BLVRA: variants seen among roughly 807,000 people sequenced by gnomAD.
The protein encoded by BLVRA is biliverdin reductase A.
A neutral mutation model predicts 32.8 loss-of-function variants in BLVRA; 22 were observed. The observed-to-expected ratio is 0.67, with a 90% CI of 0.48 to 0.96. The LOEUF (loss-of-function observed/expected upper bound fraction) is 0.96, where lower values mean the gene tolerates loss of function less well. BLVRA is among the 40% of genes least tolerant of loss of function. BLVRA has a pLI of 0.00. For synonymous variants in BLVRA, 119 were observed against 141.3 expected (o/e 0.84, Z 1.12); for missense variants, 323 against 358.1 (o/e 0.90, Z 0.79).
chr7:43,770,160 C>T (rs1311430264), intron 1 of BLVRA, among the ~76,000 whole-genome samples: 1 of 152,124 alleles, frequency 6.6e-6, no homozygotes, highest in African/African-American at 2.4e-5. Flanking sequence ...TAGGAGTGGT[C>T]ATCGTCATCG....
intron 1 of BLVRA, among the ~76,000 whole-genome samples, chr7:43,767,938 G>C (rs1054204323): frequency 1.3e-5 from 2 of 152,154 alleles, no homozygotes; most frequent in Non-Finnish European, 2.9e-5. Context: ...TTGGGGGCTG[G>C]AGAAAGAAAT....
intron 2 of BLVRA, among the ~76,000 whole-genome samples, chr7:43,775,794 A>G (rs1291660816): frequency 6.6e-6 from 1 of 152,136 alleles, no homozygotes; most frequent in African/African-American, 2.4e-5. Flanking sequence ...TTGATAAGCT[A>G]TTGATTATTG....
chr7:43,776,966 C>T (rs1321636222), intron 2 of BLVRA, among the ~76,000 whole-genome samples: 1 of 152,094 alleles, frequency 6.6e-6, no homozygotes, highest in African/African-American at 2.4e-5. Flanking sequence ...GATTGCAACC[C>T]CTACCATTTT....
At chr7:43,783,954 T>C (rs1294859099) in intron 2 of BLVRA, among the ~76,000 whole-genome samples, 1 of 152,124 alleles carries the variant, frequency 6.6e-6, no homozygotes, top group Admixed American at 6.6e-5. Flanking sequence ...ACCCTCTTTA[T>C]CTCAAAAAAA....
intron 2 of BLVRA, among the ~76,000 whole-genome samples, chr7:43,778,654 G>A (rs1220799503): frequency 1.1e-4 from 16 of 152,342 alleles, no homozygotes; most frequent in South Asian, 4.1e-4. Flanking sequence ...CTCCAGCTGC[G>A]TGCTGGGAGA....
At chr7:43,798,547 A>G (rs1235888984) in intron 5 of BLVRA, among the ~76,000 whole-genome samples, 1 of 152,114 alleles carries the variant, frequency 6.6e-6, no homozygotes, top group Non-Finnish European at 1.5e-5. Flanking sequence ...AAATTTGCTC[A>G]GTGGGGAACC....
Position 43,800,471 on chromosome 7 carries a change from T to C in BLVRA, c.359T>C (p.Val120Ala), listed in dbSNP as rs1332501031. ...LWELAEQKGK[V>A]LHEEHVELLM... The stretch of plus-strand genomic sequence containing the variant: ...TCCATTTTTGTCGTTACAGGAAAAG[T>C]CTTGCACGAGGAGCATGTTGAACTC... The change falls in exon 6 of 8, where the codon GTC (valine) becomes GCC (alanine). Residue 120 changes from valine to alanine, a missense_variant. Coordinates refer to ENST00000265523, the MANE Select transcript of BLVRA (RefSeq NM_000712.4). 1 of 1,614,048 alleles carries C rather than the reference T, an allele frequency of 6.2e-7. No homozygotes were observed. The highest frequency in any genetic ancestry group is 1.3e-5 in the African/African-American group (1 of 75,050).
At chr7:43,800,344 T>G (rs1413124602) in intron 5 of BLVRA, 121 bp from the exon 6 acceptor site, 6 of 922,732 alleles carry the variant, frequency 6.5e-6, no homozygotes, top group Non-Finnish European at 1.1e-5. Context: ...ATCCTGGCCA[T>G]GTGCCCAGGG....
intron 6 of BLVRA, among the ~76,000 whole-genome samples, chr7:43,801,382 T>C (rs1268242781): frequency 6.6e-6 from 1 of 152,198 alleles, no homozygotes; most frequent in Admixed American, 6.5e-5. Context: ...GAAATGGGCA[T>C]GCAGGAAGCT....
In BLVRA at chr7:43,806,901, G is replaced by C. The variant is rs376557293; in HGVS notation, c.633-76G>C. ...GCCTGACAAGGACATGTTACCAGGC[G>C]GTCTGGTGCCAGCAAGCACCCACTT... On this transcript the variant is annotated intron_variant, in intron 7 of 7. Transcript: ENST00000265523. 3.9e-6 allele frequency: 6 copies of C among 1,548,388 alleles called. No individual in the cohort carries two copies. In the African/African-American group the frequency reaches 5.4e-5, roughly 14 times the overall value.
intron 2 of BLVRA, among the ~76,000 whole-genome samples, chr7:43,776,928 G>T (rs1261184183): frequency 6.6e-6 from 1 of 152,098 alleles, no homozygotes; most frequent in African/African-American, 2.4e-5. Context: ...ATCTTTGTTG[G>T]TTTAAATTCT....
intron 2 of BLVRA, among the ~76,000 whole-genome samples, chr7:43,774,356 T>C (rs1195685552): frequency 6.6e-6 from 1 of 152,218 alleles, no homozygotes; most frequent in African/African-American, 2.4e-5. Context: ...TTTCTACATA[T>C]GGCTAGCCAG....
chr7:43,766,679 A>ACGGTG (rs557448824), intron 1 of BLVRA, among the ~76,000 whole-genome samples: 1 of 152,178 alleles, frequency 6.6e-6, no homozygotes, highest in Non-Finnish European at 1.5e-5. Context: ...GCCTCTCCTG[A>ACGGTG]CGGTGCATCT....
At chr7:43,780,503 T>C (rs985435040) in intron 2 of BLVRA, among the ~76,000 whole-genome samples, 5 of 152,196 alleles carry the variant, frequency 3.3e-5, no homozygotes, top group African/African-American at 1.2e-4. Context: ...TTCCAGTCTG[T>C]CCCTTCCTTA....
At chr7:43,797,942 A>G (rs1371749499) in intron 5 of BLVRA, among the ~76,000 whole-genome samples, 2 of 152,002 alleles carry the variant, frequency 1.3e-5, no homozygotes, top group Non-Finnish European at 2.9e-5. Flanking sequence ...CTGTAATCCT[A>G]GCACTTTGGG....
chr7:43,803,327 GTA>G (rs1554585514), intron 6 of BLVRA, among the ~76,000 whole-genome samples: 9 of 151,474 alleles, frequency 5.9e-5, no homozygotes, highest in African/African-American at 2.2e-4. Flanking sequence ...GTGTGTGTGT[GTA>G]TGTATATCTA....
intron 1 of BLVRA, among the ~76,000 whole-genome samples, chr7:43,763,296 A>G (rs1430275698): frequency 1.3e-5 from 2 of 152,168 alleles, no homozygotes; most frequent in African/African-American, 2.4e-5. Flanking sequence ...AGCCACTGCC[A>G]GAGCAGCAGC....
chr7:43,771,049 G>C (rs1377062285), intron 1 of BLVRA, 89 bp from the exon 2 acceptor site: 1 of 1,096,246 alleles, frequency 9.1e-7, no homozygotes, highest in Non-Finnish European at 1.4e-6. Context: ...AGGAAGCAGT[G>C]GGGGAGCATG....
chr7:43,792,360 G>A (rs746242067), intron 4 of BLVRA, among the ~76,000 whole-genome samples: 5 of 152,216 alleles, frequency 3.3e-5, no homozygotes, highest in Non-Finnish European at 5.9e-5. Flanking sequence ...AAAGCTAGCC[G>A]CTGTGGGTTT....
Sources: gnomAD v4.1 joint callset for allele counts (sites outside exome capture counted in the v4.1 genomes callset) on GRCh38, gnomAD v4.1.1 for gene constraint, MANE v1.5 for transcripts, NCBI Gene and HGNC (gene_info 2026-07-23, HGNC 2026-07-21) for gene names.